The following TRPM4 variants were observed in gnomAD, a reference collection of about 807,000 sequenced individuals.
The protein encoded by TRPM4 is calcium-activated non-selective cation channel 1.
In TRPM4, 124 loss-of-function variants were observed where a neutral mutation model predicts 135.6. The ratio of observed to expected loss-of-function variants is 0.91; its 90% confidence interval spans 0.79 to 1.06. TRPM4 has a LOEUF of 1.06. TRPM4 is among the 50% of genes least tolerant of loss of function. TRPM4 has a pLI of 0.00. For missense variants in TRPM4, 1,658 were observed against 1,671.4 expected, an observed-to-expected ratio of 0.99 and a Z score of 0.14; for synonymous variants, 745 against 705.6, an observed-to-expected ratio of 1.06 and a Z score of -0.88.
Position 49,200,444 on chromosome 19 carries a change from G to GT in TRPM4, c.2778+12_2778+13insT, listed in dbSNP as rs768405525. ...TCGTGAGCAAGATGGTGAGGCAGGG[G>GT]CGGGGCCAAAGTGGGCGGGGACATA... is the stretch of plus-strand genomic sequence containing the variant. On this transcript the variant is annotated intron_variant, in intron 18 of 24. Coordinates refer to ENST00000252826, the MANE Select transcript of TRPM4 (RefSeq NM_017636.4). 6.2e-7 allele frequency: 1 copy of GT among 1,612,168 alleles called. No homozygotes were observed. The highest frequency in any genetic ancestry group is 1.3e-5 in the African/African-American group (1 of 74,838).
chr19:49,157,881 G>A lies in TRPM4; in HGVS notation c.15G>A (p.Glu5=). 1 of 1,535,096 alleles carries A rather than the reference G, an allele frequency of 6.5e-7. No individual in the cohort carries two copies. Among genetic ancestry groups the A allele is most frequent in the Non-Finnish European group, 8.7e-7 (1 of 1,146,444 alleles). The change falls in exon 1 of 25, where the codon GAG becomes GAA. Residue 5 remains glutamate, a synonymous_variant. Coordinates refer to ENST00000252826, the MANE Select transcript of TRPM4 (RefSeq NM_017636.4). MVVP[E]KEQSWIPKIF... ...GCCGCGGCAGCATGGTGGTGCCGGA[G>A]AAGGAGCAGGTGAGCGCCGGACCAG... is the stretch of plus-strand genomic sequence containing the variant.
intron 9 of TRPM4, among the ~76,000 whole-genome samples, chr19:49,173,452 T>G (rs1343367195): frequency 6.6e-6 from 1 of 152,188 alleles, no homozygotes; most frequent in African/African-American, 2.4e-5. Flanking sequence ...CAACTGTTCT[T>G]CCATCTATCC....
intron 17 of TRPM4, among the ~76,000 whole-genome samples, chr19:49,199,492 C>A (rs1968833241): frequency 6.6e-6 from 1 of 152,126 alleles, no homozygotes; most frequent in Admixed American, 6.6e-5. Flanking sequence ...ATCTCCTGAC[C>A]CCGTGATCCG....
Position 49,190,766 on chromosome 19 carries a change from C to G in TRPM4, c.2203C>G (p.Pro735Ala), listed in dbSNP as rs1167493070. Residue 735 changes from proline to alanine, a missense_variant, in exon 16 of 25, where the codon CCT (proline) becomes GCT (alanine). Physicochemically the swap from Pro to Ala is conservative, Grantham distance 27. This residue lies in a region of TRPM4 where 1,412 missense variants were observed against 1,408.7 expected (regional missense o/e 1.00). Transcript: ENST00000252826. Reference sequence around the variant, plus strand: ...GGATAGTGTCATTAATGGGGAAGGGCCTGTCGGGTGAGTGGAGCCTCCAGC... The same window carrying G: ...GGATAGTGTCATTAATGGGGAAGGGGCTGTCGGGTGAGTGGAGCCTCCAGC... ...DMDSVINGEG[P>A]VGTADPAEKT... is the part of the protein sequence containing the mutation. The G allele has an allele frequency of 1.2e-6, 2 of 1,614,106 alleles. No homozygotes were observed. Among genetic ancestry groups the G allele is most frequent in the Non-Finnish European group, 1.7e-6 (2 of 1,180,008 alleles).
At chr19:49,198,507 G>T (rs1286954634) in intron 17 of TRPM4, among the ~76,000 whole-genome samples, 1 of 152,130 alleles carries the variant, frequency 6.6e-6, no homozygotes, top group Non-Finnish European at 1.5e-5. Context: ...AATTAGCCGG[G>T]CATGGTGGCA....
intron 5 of TRPM4, 59 bp from the exon 6 acceptor site, chr19:49,168,494 C>A: frequency 1.2e-6 from 2 of 1,613,542 alleles, no homozygotes; most frequent in South Asian, 2.2e-5. Flanking sequence ...AGGAGGGGCT[C>A]GTGTTTGTCC....
intron 20 of TRPM4, among the ~76,000 whole-genome samples, chr19:49,204,372 C>T (rs949993430): frequency 4.6e-5 from 7 of 152,162 alleles, no homozygotes; most frequent in African/African-American, 1.7e-4. Flanking sequence ...TCCATTCTCA[C>T]CAGCAGTGTA....
Position 49,210,956 on chromosome 19 carries a change from C to T in TRPM4, c.3462-59C>T. The stretch of plus-strand genomic sequence containing the variant: ...AGAGGGAGGAGGCCCGGGAAGCAGG[C>T]AGAGCCCTGGGGGTGGGTGGGCTGC... On this transcript the variant is annotated intron_variant, in intron 22 of 24. Transcript: ENST00000252826. This position sits in a 1 kb window ranked among gnomAD's most constrained non-coding sequence, Gnocchi z 4.1. The T allele has an allele frequency of 2.0e-6, 3 of 1,489,956 alleles. No homozygotes were observed. Among genetic ancestry groups the T allele is most frequent in the Non-Finnish European group, 2.7e-6 (3 of 1,105,834 alleles). 92.3% of individuals were successfully genotyped at this position (1,489,956 alleles called of 1,614,324 possible). A position where few individuals can be genotyped will look rare whatever the true frequency, so the allele number is the denominator to read the frequency against.
intron 17 of TRPM4, among the ~76,000 whole-genome samples, chr19:49,197,332 CTTTCTT>C (rs766634668): frequency 8.2e-6 from 1 of 121,638 alleles, no homozygotes; most frequent in South Asian, 2.4e-4. Flanking sequence ...TTCTTTCTTT[CTTTCTT>C]TCTTTCTTTC....
Position 49,182,919 on chromosome 19 carries a change from G to C in TRPM4, c.1605G>C (p.Glu535Asp). 2 of 1,591,074 alleles carry C rather than the reference G, an allele frequency of 1.3e-6. No individual in the cohort carries two copies. The highest frequency in any genetic ancestry group is 1.7e-5 in the Admixed American group (1 of 58,098). ...WDPHPGQGFG[E>D]SMYLLSDKAT... is the part of the protein sequence containing the mutation. ...CTCACCCAGGCCAGGGCTTCGGGGA[G>C]AGCGTAAGGACCGGGCAAAGCTGGG... The change falls in exon 11 of 25, where the codon GAG (glutamate) becomes GAC (aspartate). Residue 535 changes from glutamate to aspartate, a missense_variant. By Grantham distance (45) the Glu-to-Asp change is conservative (BLOSUM62 2). Transcript: ENST00000252826.
rs10695245 is a variant in TRPM4, at chr19:49,161,635, C to CTTT, written c.92+3386_92+3388dup. ...CGAGAGCCACCATACCCGGCTACCT[C>CTTT]TTTTTTTTTTTTGAGACGGAGTCTC... is the stretch of plus-strand genomic sequence containing the variant. On this transcript the variant is annotated intron_variant, in intron 2 of 24. Transcript: ENST00000252826. Among the ~76,000 whole-genome samples the CTTT allele has an allele frequency of 8.2e-4, 119 of 145,522 alleles. 3 individuals carry two copies. Among genetic ancestry groups the CTTT allele is most frequent in the Middle Eastern group, 3.6e-3 (1 of 276 alleles).
At chr19:49,194,483 G>C (rs1441137595) in intron 16 of TRPM4, among the ~76,000 whole-genome samples, 1 of 151,744 alleles carries the variant, frequency 6.6e-6, no homozygotes, top group Non-Finnish European at 1.5e-5. Context: ...AGGCTTAAGT[G>C]ATCTTCCCAC....
chr19:49,169,234 A>G (rs1049505450), intron 6 of TRPM4, among the ~76,000 whole-genome samples: 1 of 150,842 alleles, frequency 6.6e-6, no homozygotes, highest in African/African-American at 2.4e-5. Context: ...GAAATTTCTC[A>G]TACATACAGA....
chr19:49,207,636 C>CAAA lies in TRPM4; in HGVS notation c.3132-2552_3132-2550dup, dbSNP rs34758808. 3.5e-3 allele frequency among the ~76,000 whole-genome samples: 137 copies of CAAA among 38,972 alleles called. 4 individuals are homozygous for CAAA. Among genetic ancestry groups the CAAA allele is most frequent in the African/African-American group, 7.3e-3 (83 of 11,294 alleles). 25.6% of individuals were successfully genotyped at this position (38,972 alleles called of 152,430 possible). On this transcript the variant is annotated intron_variant, in intron 20 of 24. Transcript: ENST00000252826. ...CCACCAACAGAGTGAAACCTTGTCT[C>CAAA]AAAAAAAAAAAAAAAAAAAAAAAGC...
chr19:49,164,210 CTTTCT>C (rs138412491), intron 2 of TRPM4, among the ~76,000 whole-genome samples: 45,452 of 149,824 alleles, frequency 0.3, 7,097 homozygotes, highest in South Asian at 0.4. Flanking sequence ...CTTCCTTTCT[CTTTCT>C]TTTCTTTTCT....
intron 2 of TRPM4, chr19:49,159,685 G>T (rs1034135708): frequency 2.6e-5 from 4 of 151,864 alleles, no homozygotes; most frequent in African/African-American, 9.7e-5. Context: ...ATTTCACCCT[G>T]TTGCCCAGGT....
chr19:49,162,680 A>G (rs1343407966), intron 2 of TRPM4, among the ~76,000 whole-genome samples: 1 of 152,156 alleles, frequency 6.6e-6, no homozygotes, highest in Non-Finnish European at 1.5e-5. Flanking sequence ...ACGATTTTGG[A>G]AACGTTCTAT....
chr19:49,177,606 GTGAGCC>G (rs1442164679), intron 9 of TRPM4, among the ~76,000 whole-genome samples: 5 of 152,146 alleles, frequency 3.3e-5, no homozygotes, highest in African/African-American at 1.2e-4. Flanking sequence ...GATTACAGGT[GTGAGCC>G]ACCACCCCTG....
At chr19:49,204,030 G>A (rs1278057367) in intron 20 of TRPM4, among the ~76,000 whole-genome samples, 3 of 152,176 alleles carry the variant, frequency 2.0e-5, no homozygotes, top group South Asian at 2.1e-4. Flanking sequence ...TCAGGCACGA[G>A]AGTCGCTTGA....
Sources: allele counts gnomAD v4.1 joint callset (sites outside exome capture counted in the v4.1 genomes callset), GRCh38; gene constraint gnomAD v4.1.1; regional missense constraint gnomAD v4.1.1; non-coding constraint Gnocchi (gnomAD v3.1); transcripts MANE v1.5; gene names NCBI Gene and HGNC (gene_info 2026-07-23, HGNC 2026-07-21).